The following PTBP2 variants were observed in gnomAD, a reference collection of about 807,000 sequenced individuals.
PTBP2 encodes the protein polypyrimidine tract-binding protein 2.
In PTBP2, 13 loss-of-function variants were observed where a neutral mutation model predicts 61.4. The observed-to-expected ratio is 0.21, with a 90% CI of 0.14 to 0.34. The LOEUF (loss-of-function observed/expected upper bound fraction) is 0.34, where lower values mean the gene tolerates loss of function less well. PTBP2 is among the 10% of genes least tolerant of loss of function. PTBP2 has a pLI of 1.00. For missense variants in PTBP2, 405 were observed against 642.6 expected (o/e 0.63, Z 4.00); for synonymous variants, 215 against 218.5 (o/e 0.98, Z 0.14).
intron 8 of PTBP2, among the ~76,000 whole-genome samples, chr1:96,789,164 A>G (rs1659521480): frequency 6.6e-6 from 1 of 151,882 alleles, no homozygotes; most frequent in African/African-American, 2.4e-5. Context: ...TAGGAGAGAG[A>G]CTGTGTACAA....
intron 8 of PTBP2, among the ~76,000 whole-genome samples, chr1:96,804,170 T>C (rs1227979880): frequency 6.6e-6 from 1 of 152,186 alleles, no homozygotes; most frequent in African/African-American, 2.4e-5. Flanking sequence ...TTCTTGTTCT[T>C]TCAACCGGGA....
At chr1:96,752,932 T>C (rs1255768847) in intron 3 of PTBP2, among the ~76,000 whole-genome samples, 1 of 152,108 alleles carries the variant, frequency 6.6e-6, no homozygotes, top group Admixed American at 6.5e-5. Flanking sequence ...TCTTGGACTA[T>C]TTTACTGCTC....
At chr1:96,779,760 C>T (rs1658444447) in intron 7 of PTBP2, among the ~76,000 whole-genome samples, 1 of 152,060 alleles carries the variant, frequency 6.6e-6, no homozygotes, top group Admixed American at 6.6e-5. Flanking sequence ...TGCTTTGCCC[C>T]ATTACCTTGT....
chr1:96,803,507 C>G (rs185871175), intron 8 of PTBP2, among the ~76,000 whole-genome samples: 67 of 151,740 alleles, frequency 4.4e-4, no homozygotes, highest in African/African-American at 1.6e-3. Flanking sequence ...GAAACATATG[C>G]CACTGACAGA....
At position 96,806,085 on chromosome 1, in the gene PTBP2, G is replaced by C. The variant is rs547806196; in HGVS notation, c.1045-334G>C. 5.1e-4 allele frequency among the ~76,000 whole-genome samples: 78 copies of C among 151,518 alleles called. 3 individuals are homozygous for C. The South Asian group carries it at 0.016, about 31-fold the overall frequency. On this transcript the variant is annotated intron_variant, in intron 9 of 13. Transcript: ENST00000674951. ...ATTCCTTATTTTTTTCTTCTGCATT[G>C]CTGTTTCCCTTCCCCATTTCATCCT... is the stretch of plus-strand genomic sequence containing the variant.
At chr1:96,751,658 G>GAAAAAA (rs35745353) in intron 3 of PTBP2, among the ~76,000 whole-genome samples, 158 bp downstream of exon 3, 1 of 143,172 alleles carries the variant, frequency 7.0e-6, no homozygotes, top group Non-Finnish European at 1.5e-5. Flanking sequence ...GAGCCGAGTG[G>GAAAAAA]AAAAAAAAAA....
chr1:96,781,461 G>A (rs1194073519), intron 7 of PTBP2, among the ~76,000 whole-genome samples: 2 of 151,814 alleles, frequency 1.3e-5, no homozygotes, highest in Admixed American at 6.6e-5. Flanking sequence ...AGCTATATTG[G>A]ACTTCTTTAA....
chr1:96,743,150 G>A (rs1166045728), intron 2 of PTBP2, among the ~76,000 whole-genome samples: 1 of 152,072 alleles, frequency 6.6e-6, no homozygotes, highest in Admixed American at 6.6e-5. Context: ...AGCCAGGCGT[G>A]GTGGGGGGCA....
At chr1:96,769,336 A>T (rs956929237) in intron 3 of PTBP2, among the ~76,000 whole-genome samples, 2 of 152,050 alleles carry the variant, frequency 1.3e-5, no homozygotes, top group Non-Finnish European at 2.9e-5. Flanking sequence ...ACCATTGTAT[A>T]TGTGGCCTGT....
At position 96,791,830 on chromosome 1, in the gene PTBP2, T is replaced by TTTTTGTA. The variant is rs796570591; in HGVS notation, c.904+6580_904+6581insGTATTTT. ...CCTCTGTTGCTTGGAGTTGTGCTTT[T>TTTTTGTA]TTTTTTTTTTTTTTTTTTTGAGATA... is the stretch of plus-strand genomic sequence containing the variant. On this transcript the variant is annotated intron_variant, in intron 8 of 13. Transcript: ENST00000674951. 4.8e-4 allele frequency among the ~76,000 whole-genome samples: 62 copies of TTTTTGTA among 129,766 alleles called. 1 individual carries two copies. The highest frequency in any genetic ancestry group is 1.9e-3 in the African/African-American group (61 of 31,696). 85.1% of individuals were successfully genotyped at this position (129,766 alleles called of 152,430 possible). A position where few individuals can be genotyped will look rare whatever the true frequency, so the allele number is the denominator to read the frequency against.
chr1:96,806,386 T>C (rs755019175), intron 9 of PTBP2, 33 bp from the exon 10 acceptor site: 30 of 1,496,920 alleles, frequency 2.0e-5, no homozygotes, highest in Non-Finnish European at 2.8e-5. Context: ...TCTCTTCTTG[T>C]CTTACGCTGC....
At chr1:96,769,324 C>T (rs924020037) in intron 3 of PTBP2, among the ~76,000 whole-genome samples, 3 of 151,926 alleles carry the variant, frequency 2.0e-5, no homozygotes, top group Non-Finnish European at 4.4e-5. Flanking sequence ...TCTTATGGGA[C>T]CACCATTGTA....
rs1655605791 is a variant in PTBP2, at chr1:96,759,892, G to A, written c.115+8392G>A. Among the ~76,000 whole-genome samples, 8 of 152,326 alleles carry A rather than the reference G, an allele frequency of 5.3e-5. No homozygotes were observed. In the South Asian group the frequency reaches 1.7e-3, roughly 32 times the overall value. ...GAATTTACAATTCTATGTGACTGGG[G>A]AAGCCTCATAATCATGGTGGAAGGC... On this transcript the variant is annotated intron_variant, in intron 3 of 13. Transcript: ENST00000674951.
chr1:96,724,985 G>C (rs1204630841), intron 2 of PTBP2, among the ~76,000 whole-genome samples: 1 of 151,998 alleles, frequency 6.6e-6, no homozygotes, highest in African/African-American at 2.4e-5. Flanking sequence ...CCATTCTTTA[G>C]GCTTGTTTCT....
intron 2 of PTBP2, among the ~76,000 whole-genome samples, chr1:96,748,519 T>G (rs1450104284): frequency 6.6e-6 from 1 of 152,170 alleles, no homozygotes; most frequent in East Asian, 1.9e-4. Flanking sequence ...GGGATGTTAG[T>G]TTCTCTTGAA....
At chr1:96,819,990 C>G (rs1271686527), downstream of PTBP2, 1 of 151,730 alleles carries the variant, frequency 6.6e-6, no homozygotes, top group Non-Finnish European at 1.5e-5. Flanking sequence ...TGTCTTTGCC[C>G]TAAGTTTGGA....
intron 8 of PTBP2, among the ~76,000 whole-genome samples, chr1:96,798,738 T>TA (rs1455446962): frequency 6.6e-6 from 1 of 152,186 alleles, no homozygotes; most frequent in Non-Finnish European, 1.5e-5. Flanking sequence ...GATTTATCGA[T>TA]ATTGGTTGAT....
chr1:96,754,044 C>T (rs1469872350), intron 3 of PTBP2, among the ~76,000 whole-genome samples: 1 of 151,944 alleles, frequency 6.6e-6, no homozygotes, highest in Middle Eastern at 3.2e-3. Flanking sequence ...ACTTACATTC[C>T]TAAGAAGCTC....
At position 96,795,044 on chromosome 1, in the gene PTBP2, A is replaced by G. The variant is rs1033035527; in HGVS notation, c.905-9756A>G. On this transcript the variant is annotated intron_variant, in intron 8 of 13. Coordinates refer to ENST00000674951, the MANE Select transcript of PTBP2 (RefSeq NM_021190.4). Reference sequence around the variant, plus strand: ...AGAGTGTCTGCGACCATTTGATGATATTATGTACCAAGTTTTAGATGTTTG... The same window carrying G: ...AGAGTGTCTGCGACCATTTGATGATGTTATGTACCAAGTTTTAGATGTTTG... 9.2e-5 allele frequency among the ~76,000 whole-genome samples: 14 copies of G among 152,206 alleles called. 1 individual carries two copies. The highest frequency in any genetic ancestry group is 7.4e-5 in the Non-Finnish European group (5 of 68,022).
Sources: gnomAD v4.1 joint callset for allele counts (sites outside exome capture counted in the v4.1 genomes callset) on GRCh38, gnomAD v4.1.1 for gene constraint, MANE v1.5 for transcripts, NCBI Gene and HGNC (gene_info 2026-07-23, HGNC 2026-07-21) for gene names.